SGMS2: variants seen among roughly 807,000 people sequenced by gnomAD.
The protein encoded by SGMS2 is phosphatidylcholine:ceramide cholinephosphotransferase 2.
In SGMS2, 21 loss-of-function variants were observed where a neutral mutation model predicts 43.8. The ratio of observed to expected loss-of-function variants is 0.48; its 90% CI spans 0.34 to 0.69. The LOEUF (loss-of-function observed/expected upper bound fraction) is 0.69, where lower values mean the gene tolerates loss of function less well. Among genes scored for constraint, SGMS2 ranks in the 30% least tolerant of loss-of-function variants. SGMS2 has a pLI of 0.01. For synonymous variants in SGMS2, 167 were observed against 160.6 expected (o/e 1.04, Z -0.30); for missense variants, 384 against 443.2 (o/e 0.87, Z 1.20).
intron 2 of SGMS2, among the ~76,000 whole-genome samples, chr4:107,871,988 C>G (rs1728586855): frequency 6.6e-6 from 1 of 152,004 alleles, no homozygotes; most frequent in Non-Finnish European, 1.5e-5. Flanking sequence ...CCATCATGAC[C>G]AGTGTAATTA....
At chr4:107,826,973 T>A (rs1725629514) in intron 1 of SGMS2, among the ~76,000 whole-genome samples, 4 of 152,246 alleles carry the variant, frequency 2.6e-5, no homozygotes, top group Admixed American at 2.6e-4. Flanking sequence ...CCTGAGGCTC[T>A]CTGAGCTGTG....
intron 5 of SGMS2, among the ~76,000 whole-genome samples, chr4:107,906,983 T>C (rs1403100371): frequency 1.3e-5 from 2 of 152,064 alleles, no homozygotes; most frequent in African/African-American, 4.8e-5. Flanking sequence ...GAAACGCATA[T>C]TTAGTGAGAC....
intron 1 of SGMS2, among the ~76,000 whole-genome samples, chr4:107,852,887 G>A (rs1401304347): frequency 6.6e-6 from 1 of 151,936 alleles, no homozygotes; most frequent in African/African-American, 2.4e-5. Context: ...TTTTATGTTG[G>A]TATTTTAAAG....
intron 4 of SGMS2, among the ~76,000 whole-genome samples, chr4:107,901,508 T>C (rs17038214): frequency 9.1e-4 from 139 of 152,344 alleles, no homozygotes; most frequent in Middle Eastern, 3.4e-3. Context: ...AAAAGTGTCA[T>C]ATCTGTTATA....
chr4:107,891,059 C>T (rs1730169625), intron 2 of SGMS2, among the ~76,000 whole-genome samples: 1 of 151,994 alleles, frequency 6.6e-6, no homozygotes, highest in South Asian at 2.1e-4. Context: ...GTAAATAAAG[C>T]CCCTTAAGTA....
intron 1 of SGMS2, among the ~76,000 whole-genome samples, chr4:107,855,213 C>A (rs999321357): frequency 6.6e-6 from 1 of 152,014 alleles, no homozygotes; most frequent in Non-Finnish European, 1.5e-5. Flanking sequence ...TTTATTTCTG[C>A]TTTGATGTTT....
At position 107,910,591 on chromosome 4, in the gene SGMS2, G is replaced by T; in HGVS notation, c.*38G>T. On this transcript the variant is annotated 3_prime_UTR_variant, in exon 7 of 7. Transcript: ENST00000690982. ...AGGCATCAGCTCTTACACCAAAAGA[G>T]TTAACGCTGTAACCAAAGGTATAGT... The T allele has an allele frequency of 1.3e-6, 2 of 1,586,746 alleles. 1 individual carries two copies.
chr4:107,848,317 C>A (rs1237569961), intron 1 of SGMS2, among the ~76,000 whole-genome samples: 1 of 152,138 alleles, frequency 6.6e-6, no homozygotes, highest in East Asian at 1.9e-4. Context: ...ACTCATTCAC[C>A]TATTGAAGGA....
chr4:107,877,425 AAT>A (rs1211544581), intron 2 of SGMS2, among the ~76,000 whole-genome samples: 1 of 152,210 alleles, frequency 6.6e-6, no homozygotes, highest in Non-Finnish European at 1.5e-5. Flanking sequence ...TAGGTATATA[AAT>A]CTTGGGGATA....
chr4:107,862,252 G>A (rs1378038820), intron 2 of SGMS2, among the ~76,000 whole-genome samples: 1 of 152,170 alleles, frequency 6.6e-6, no homozygotes, highest in Non-Finnish European at 1.5e-5. Context: ...GGCTCCTAGA[G>A]TAACCCAGGC....
At chr4:107,897,377 C>CA (rs1730759754) in intron 3 of SGMS2, among the ~76,000 whole-genome samples, 3 of 152,072 alleles carry the variant, frequency 2.0e-5, no homozygotes, top group Non-Finnish European at 4.4e-5. Context: ...ATGCTAAAAG[C>CA]AAAAAATGTA....
chr4:107,843,278 G>A (rs564498479), intron 1 of SGMS2, among the ~76,000 whole-genome samples: 1 of 151,898 alleles, frequency 6.6e-6, no homozygotes, highest in Admixed American at 6.6e-5. Context: ...GACAAAATGC[G>A]TAATTTGAAT....
chr4:107,839,732 G>A lies in SGMS2; in HGVS notation c.-327+14479G>A, dbSNP rs1296767976. Among the ~76,000 whole-genome samples the A allele has an allele frequency of 2.6e-5, 4 of 152,170 alleles. No individual in the cohort carries two copies. In the East Asian group the frequency reaches 7.7e-4, roughly 29 times the overall value. ...ATTTTAATACTTTGCTGTTCATTAA[G>A]TCCCTTGAACATAAATTCCCCATAT... On this transcript the variant is annotated intron_variant, in intron 1 of 6. Transcript: ENST00000690982.
intron 2 of SGMS2, among the ~76,000 whole-genome samples, chr4:107,894,085 A>G (rs1396122553): frequency 3.3e-5 from 5 of 152,334 alleles, no homozygotes; most frequent in Admixed American, 2.6e-4. Flanking sequence ...TTGCCTGTAC[A>G]TATTGACTGC....
chr4:107,849,286 A>G (rs1357180291), intron 1 of SGMS2, among the ~76,000 whole-genome samples: 1 of 152,136 alleles, frequency 6.6e-6, no homozygotes, highest in Non-Finnish European at 1.5e-5. Flanking sequence ...ACTGACTGCA[A>G]TGCTGAAATG....
chr4:107,864,785 A>G (rs1032626906), intron 2 of SGMS2, among the ~76,000 whole-genome samples: 1 of 152,188 alleles, frequency 6.6e-6, no homozygotes, highest in Non-Finnish European at 1.5e-5. Flanking sequence ...TGAAGTCACA[A>G]TATATAAAGT....
intron 3 of SGMS2, among the ~76,000 whole-genome samples, chr4:107,898,668 A>G (rs760102679): frequency 1.3e-5 from 2 of 152,178 alleles, no homozygotes; most frequent in East Asian, 1.9e-4. Context: ...CAGCTGGACT[A>G]AAGACATTCA....
chr4:107,853,489 A>G (rs751612431), intron 1 of SGMS2, among the ~76,000 whole-genome samples: 1 of 152,104 alleles, frequency 6.6e-6, no homozygotes, highest in Non-Finnish European at 1.5e-5. Context: ...AGCCATATCC[A>G]TGGACTCTGC....
intron 1 of SGMS2, among the ~76,000 whole-genome samples, chr4:107,842,140 A>G (rs997814172): frequency 6.6e-6 from 1 of 152,130 alleles, no homozygotes; most frequent in Non-Finnish European, 1.5e-5. Context: ...TCTGCTCTGT[A>G]TCTGTGTCTG....
Sources: gnomAD v4.1 joint callset for allele counts (sites outside exome capture counted in the v4.1 genomes callset) on GRCh38, gnomAD v4.1.1 for gene constraint, MANE v1.5 for transcripts, NCBI Gene and HGNC (gene_info 2026-07-23, HGNC 2026-07-21) for gene names.